The following AHNAK2 variants were observed in gnomAD, a reference collection of about 807,000 sequenced individuals.
AHNAK2 encodes AHNAK nucleoprotein 2.
Under a neutral mutation model 30.7 loss-of-function variants are expected in AHNAK2, and 18 were observed. The observed-to-expected ratio is 0.59, with a 90% CI of 0.41 to 0.87. The LOEUF (loss-of-function observed/expected upper bound fraction) is 0.87, where lower values mean the gene tolerates loss of function less well. Ranked by LOEUF, AHNAK2 falls within the 40% of genes least tolerant of loss-of-function variation. The pLI, the probability that AHNAK2 is intolerant of heterozygous loss-of-function variation, is 0.00. For missense variants in AHNAK2, 8,604 were observed against 7,373.0 expected (o/e 1.17, Z -6.11); for synonymous variants, 3,590 against 3,073.8 (o/e 1.17, Z -5.56).
chr14:104,949,916 C>A lies in AHNAK2; in HGVS notation c.5535G>T (p.Ser1845=), dbSNP rs199771853. 35 of 1,588,640 alleles carry A rather than the reference C, an allele frequency of 2.2e-5. 2 individuals are homozygous for A. In the South Asian group the frequency reaches 3.9e-4, roughly 18 times the overall value. The part of the protein sequence containing the change: ...VSAPGKSIEA[S]VDVSAPKVEA... ...CCACCTTCGGCGCAGACACATCCAC[C>A]GAGGCCTCGATGGACTTGCCTGGGG... Residue 1845 remains serine, a synonymous_variant, in exon 7 of 7, where the codon TCG becomes TCT. Transcript: ENST00000333244.
In AHNAK2 at chr14:104,944,258, C is replaced by T. The variant is rs1258008043; in HGVS notation, c.11193G>A (p.Met3731Ile). Reference protein sequence around the residue: ...LPKVEMPSLKMPKVDLKGPQV... With the variant: ...LPKVEMPSLKIPKVDLKGPQV... ...GGGGGCCCTTGAGGTCCACTTTGGG[C>T]ATCTTCAAACTGGGCATCTCCACCT... is the stretch of plus-strand genomic sequence containing the variant. Residue 3731 changes from methionine (M) to isoleucine (I), a missense_variant, in exon 7 of 7, where the codon ATG (methionine) becomes ATA (isoleucine). Transcript: ENST00000333244. 1.9e-6 allele frequency: 3 copies of T among 1,612,810 alleles called. No homozygotes were observed. In the African/African-American group the frequency reaches 4.0e-5, roughly 22 times the overall value.
Position 104,949,443 on chromosome 14 carries a change from G to A in AHNAK2, c.6008C>T (p.Pro2003Leu). ...FKMPSFGVSAPGRSIEASVDV... is the reference protein window; with the variant it reads ...FKMPSFGVSALGRSIEASVDV... ...CACCGAGGCCTCGATGGACCTCCCTGGGGCCGATACCCCGAACGACGGCAT... is the reference window on the plus strand; with the variant it reads ...CACCGAGGCCTCGATGGACCTCCCTAGGGCCGATACCCCGAACGACGGCAT... Residue 2003 changes from proline to leucine, a missense_variant, in exon 7 of 7, where the codon CCA becomes CTA. Coordinates refer to ENST00000333244, the MANE Select transcript of AHNAK2 (RefSeq NM_138420.4). 1 of 1,587,894 alleles carries A rather than the reference G, an allele frequency of 6.3e-7. No individual in the cohort carries two copies. The highest frequency in any genetic ancestry group is 8.6e-7 in the Non-Finnish European group (1 of 1,162,634).
Position 104,937,769 on chromosome 14 carries a change from A to G in AHNAK2, c.*294T>C, listed in dbSNP as rs866764204. On this transcript the variant is annotated 3_prime_UTR_variant, in exon 7 of 7. Coordinates refer to ENST00000333244, the MANE Select transcript of AHNAK2 (RefSeq NM_138420.4). ...GTCTCTGGAAATTTATCTAATAAAG[A>G]CCAACAAACTTCCCCAGCAGTGCCT... 1.4e-5 allele frequency: 5 copies of G among 367,620 alleles called. No individual in the cohort carries two copies. Among genetic ancestry groups the G allele is most frequent in the Non-Finnish European group, 2.4e-5 (5 of 205,684 alleles). The allele number at this position is 367,620 out of a possible 1,614,324, so 22.8% of individuals were successfully genotyped here.
chr14:104,975,067 C>T (rs1456690445), intron 1 of AHNAK2, among the ~76,000 whole-genome samples: 1 of 152,242 alleles, frequency 6.6e-6, no homozygotes, highest in African/African-American at 2.4e-5. Context: ...GAAGAGGCAG[C>T]TCCTAGCCCA....
Position 104,944,146 on chromosome 14 carries a change from C to A in AHNAK2, c.11305G>T (p.Val3769Leu). Residue 3769 changes from valine to leucine, a missense_variant, in exon 7 of 7, where the codon GTG becomes TTG. Transcript: ENST00000333244. Reference sequence around the variant, plus strand: ...CTTGGGGCCTGGACGTCCACCTCCACGCTGGGCAGAGACACCTCCACATCA... The same window carrying A: ...CTTGGGGCCTGGACGTCCACCTCCAAGCTGGGCAGAGACACCTCCACATCA... ...APDVEVSLPSVEVDVQAPRAK... is the reference protein window; with the variant it reads ...APDVEVSLPSLEVDVQAPRAK... 1.2e-6 allele frequency: 2 copies of A among 1,613,008 alleles called. No homozygotes were observed. Among genetic ancestry groups the A allele is most frequent in the Non-Finnish European group, 1.7e-6 (2 of 1,179,466 alleles).
chr14:104,950,531 C>T lies in AHNAK2; in HGVS notation c.4920G>A (p.Leu1640=). 3 of 1,587,330 alleles carry T rather than the reference C, an allele frequency of 1.9e-6. No individual in the cohort carries two copies. The highest frequency in any genetic ancestry group is 2.6e-6 in the Non-Finnish European group (3 of 1,163,060). ...TGTCGGCCAGGGACAGGTCCCCCTC[C>T]AGCTGCGCACCATCCAGCTTTGCTC... ...APRAKLDGAQ[L]EGDLSLADKA... Residue 1640 remains leucine, a synonymous_variant, in exon 7 of 7, where the codon CTG becomes CTA. Coordinates refer to ENST00000333244, the MANE Select transcript of AHNAK2 (RefSeq NM_138420.4).
rs1324486400 is a variant in AHNAK2, at chr14:104,954,246, G to A, written c.1205C>T (p.Pro402Leu). 1 of 1,612,342 alleles carries A rather than the reference G, an allele frequency of 6.2e-7. No homozygotes were observed. The highest frequency in any genetic ancestry group is 1.3e-5 in the African/African-American group (1 of 74,912). Reference sequence around the variant, plus strand: ...CTGAGGGGTTCCCTCGCAAAGTCTAGGGTCACCGAGCTCTGTGGGCAATGG... The same window carrying A: ...CTGAGGGGTTCCCTCGCAAAGTCTAAGGTCACCGAGCTCTGTGGGCAATGG... ...SMPLPTELGD[P>L]RLCEGTPQEG... is the part of the protein sequence containing the mutation. The change falls in exon 7 of 7, where the codon CCT (proline) becomes CTT (leucine). Residue 402 changes from proline to leucine, a missense_variant. Physicochemically the swap from Pro to Leu is moderately conservative, Grantham distance 98. Transcript: ENST00000333244. This position sits in a 1 kb window ranked among gnomAD's most constrained non-coding sequence, Gnocchi z 4.3.
Position 104,940,103 on chromosome 14 carries a change from A to G in AHNAK2, c.15348T>C (p.Pro5116=). 1 of 1,613,262 alleles carries G rather than the reference A, an allele frequency of 6.2e-7. No individual in the cohort carries two copies. Among genetic ancestry groups the G allele is most frequent in the Non-Finnish European group, 8.5e-7 (1 of 1,179,892 alleles). The change falls in exon 7 of 7, where the codon CCT becomes CCC. Residue 5116 remains proline (P), a synonymous_variant. Transcript: ENST00000333244. This position sits in a 1 kb window ranked among gnomAD's most constrained non-coding sequence, Gnocchi z 4.4. The stretch of plus-strand genomic sequence containing the variant: ...GTTTGGGAAGAGGCAGGTCAGCTTC[A>G]GGCTGGCTCACCTCCACCTTGGCCT... ...SSKAKVEVSQ[P]EADLPLPKHD... is the part of the protein sequence containing the mutation.
Position 104,946,933 on chromosome 14 carries a change from C to T in AHNAK2, c.8518G>A (p.Glu2840Lys), listed in dbSNP as rs1295848053. ...KSIEASVDVS[E>K]LKVEADGSFP... ...CTCCCGTCAGCTTCCACCTTCAGCT[C>T]AGACACATCCACCGAGGCCTCGATG... is the stretch of plus-strand genomic sequence containing the variant. Residue 2840 changes from glutamate (E) to lysine (K), a missense_variant, in exon 7 of 7, where the codon GAG becomes AAG. Physicochemically the swap from Glu to Lys is moderately conservative, Grantham distance 56 (BLOSUM62 1). Coordinates refer to ENST00000333244, the MANE Select transcript of AHNAK2 (RefSeq NM_138420.4). 10 of 1,612,710 alleles carry T rather than the reference C, an allele frequency of 6.2e-6. No homozygotes were observed. In the Admixed American group the frequency reaches 1.5e-4, roughly 24 times the overall value.
In AHNAK2 at chr14:104,950,792, C is replaced by G. The variant is rs577175177; in HGVS notation, c.4659G>C (p.Gln1553His). 455 of 1,587,004 alleles carry G rather than the reference C, an allele frequency of 2.9e-4. 47 individuals carry two copies. The highest frequency in any genetic ancestry group is 1.5e-3 in the Middle Eastern group (9 of 6,022). The change falls in exon 7 of 7, where the codon CAG (glutamine) becomes CAC (histidine). Residue 1553 changes from glutamine (Q) to histidine (H), a missense_variant. Coordinates refer to ENST00000333244, the MANE Select transcript of AHNAK2 (RefSeq NM_138420.4). ...IQPPSADLEV[Q>H]AGQVDVKLPE... ...GGAGTTTCACGTCCACTTGGCCAGCCTGGACCTCCAGGTCAGCAGAAGGGG... is the reference window on the plus strand; with the variant it reads ...GGAGTTTCACGTCCACTTGGCCAGCGTGGACCTCCAGGTCAGCAGAAGGGG...
rs778813156 is a variant in AHNAK2, at chr14:104,938,586, G to A, written c.16865C>T (p.Ala5622Val). 3.7e-6 allele frequency: 6 copies of A among 1,613,088 alleles called. No individual in the cohort carries two copies. The African/African-American group carries it at 8.0e-5, about 22-fold the overall frequency. ...GCCTTCATCTGCCAGTGGTGTGGTT[G>A]CCTCTTGGCTATCATCAGGGGGAAA... Reference protein sequence around the residue: ...LEFPPDDSQEATTPLADEGRA... With the variant: ...LEFPPDDSQEVTTPLADEGRA... Residue 5622 changes from alanine to valine, a missense_variant, in exon 7 of 7, where the codon GCA becomes GTA. Ala to Val is a moderately conservative substitution (Grantham distance 64). Coordinates refer to ENST00000333244, the MANE Select transcript of AHNAK2 (RefSeq NM_138420.4).
rs748013858 is a variant in AHNAK2, at chr14:104,944,939, C to T, written c.10512G>A (p.Glu3504=). The change falls in exon 7 of 7, where the codon GAG becomes GAA. Residue 3504 remains glutamate (E), a synonymous_variant. Coordinates refer to ENST00000333244, the MANE Select transcript of AHNAK2 (RefSeq NM_138420.4). ...ASLDVSAPKV[E]ADVSLSSMQG... ...GCATGGAGGAGAGGCTCACGTCGGCCTCCACCTTCGGCGCAGACACATCCA... is the reference window on the plus strand; with the variant it reads ...GCATGGAGGAGAGGCTCACGTCGGCTTCCACCTTCGGCGCAGACACATCCA... 160 of 1,612,294 alleles carry T rather than the reference C, an allele frequency of 9.9e-5. No homozygotes were observed. The highest frequency in any genetic ancestry group is 1.7e-4 in the Middle Eastern group (1 of 6,046).
Position 104,943,428 on chromosome 14 carries a change from T to C in AHNAK2, c.12023A>G (p.Gln4008Arg). 2 of 1,613,280 alleles carry C rather than the reference T, an allele frequency of 1.2e-6. No homozygotes were observed. The highest frequency in any genetic ancestry group is 1.7e-6 in the Non-Finnish European group (2 of 1,179,642). The change falls in exon 7 of 7, where the codon CAG becomes CGG. Residue 4008 changes from glutamine (Q) to arginine (R), a missense_variant. By Grantham distance (43) the Gln-to-Arg change is conservative. Transcript: ENST00000333244. ...GAGGTCAGTGGCCTTGAGGTCCCCC[T>C]GCATGGAAGGGAGGCTCACGTCGGC... The part of the protein sequence containing the change: ...VEADVSLPSM[Q>R]GDLKATDLSV...
chr14:104,958,168 G>A (rs1264449381), intron 1 of AHNAK2, among the ~76,000 whole-genome samples: 11 of 152,240 alleles, frequency 7.2e-5, no homozygotes, highest in Non-Finnish European at 5.9e-5. Context: ...GTTTGTTCAG[G>A]CCGGGCACGG....
chr14:104,947,885 C>T lies in AHNAK2; in HGVS notation c.7566G>A (p.Met2522Ile), dbSNP rs1389124449. The T allele has an allele frequency of 1.2e-6, 2 of 1,612,846 alleles. No homozygotes were observed. Among genetic ancestry groups the T allele is most frequent in the Non-Finnish European group, 1.7e-6 (2 of 1,179,616 alleles). Residue 2522 changes from methionine (M) to isoleucine (I), a missense_variant, in exon 7 of 7, where the codon ATG becomes ATA. Met to Ile is a conservative substitution (Grantham distance 10). Transcript: ENST00000333244. ...GGTCAGTGGCCTTGAGGTCCCCCTG[C>T]ATGGAGGAGAGGCTCCCGTCGGCCT... The part of the protein sequence containing the change: ...KVEADGSLSS[M>I]QGDLKATDLS...
At position 104,954,512 on chromosome 14, in the gene AHNAK2, T is replaced by C. The variant is rs1265118683; in HGVS notation, c.939A>G (p.Ala313=). 2 of 1,612,202 alleles carry C rather than the reference T, an allele frequency of 1.2e-6. No individual in the cohort carries two copies. The highest frequency in any genetic ancestry group is 3.3e-5 in the Admixed American group (2 of 59,910). Residue 313 remains alanine (A), a synonymous_variant, in exon 7 of 7, where the codon GCA becomes GCG. Coordinates refer to ENST00000333244, the MANE Select transcript of AHNAK2 (RefSeq NM_138420.4). This position sits in a 1 kb window ranked among gnomAD's most constrained non-coding sequence, Gnocchi z 4.3. ...TCCGCCTCCTCTGGCTGCCCGGCCCTGCCTTCTGCTCTTGGCGCTCCACCG... is the reference window on the plus strand; with the variant it reads ...TCCGCCTCCTCTGGCTGCCCGGCCCCGCCTTCTGCTCTTGGCGCTCCACCG... The part of the protein sequence containing the change: ...QLTVERQEQK[A]GPGSQRRRKF...
intron 1 of AHNAK2, among the ~76,000 whole-genome samples, chr14:104,965,881 T>C (rs1489317152): frequency 1.4e-4 from 22 of 152,166 alleles, no homozygotes; most frequent in Non-Finnish European, 3.2e-4. Context: ...CATTCCCTCA[T>C]GGATATGTGG....
At position 104,953,567 on chromosome 14, in the gene AHNAK2, G is replaced by A. The variant is rs554142815; in HGVS notation, c.1884C>T (p.Arg628=). Residue 628 remains arginine, a synonymous_variant, in exon 7 of 7, where the codon CGC becomes CGT. Coordinates refer to ENST00000333244, the MANE Select transcript of AHNAK2 (RefSeq NM_138420.4). The part of the protein sequence containing the change: ...TATADRREQR[R]TEEGLKDKED... ...CTTTGTCTTTTAATCCTTCCTCTGT[G>A]CGTCTCTGTTCTCTTCTATCAGCTG... 1 of 1,613,944 alleles carries A rather than the reference G, an allele frequency of 6.2e-7. No individual in the cohort carries two copies. Among genetic ancestry groups the A allele is most frequent in the South Asian group, 1.1e-5 (1 of 91,082 alleles).
chr14:104,971,965 G>A (rs373672047), intron 1 of AHNAK2, among the ~76,000 whole-genome samples: 1 of 152,224 alleles, frequency 6.6e-6, no homozygotes, highest in East Asian at 1.9e-4. Context: ...AGGCCCCAAC[G>A]GCATGGGAAG....
Sources: allele counts gnomAD v4.1 joint callset (sites outside exome capture counted in the v4.1 genomes callset), GRCh38; gene constraint gnomAD v4.1.1; non-coding constraint Gnocchi (gnomAD v3.1); transcripts MANE v1.5; gene names NCBI Gene and HGNC (gene_info 2026-07-23, HGNC 2026-07-21).